The following HECW1 variants were observed in gnomAD, a reference collection of about 807,000 sequenced individuals.
HECW1 encodes the protein E3 ubiquitin-protein ligase HECW1.
HECW1 carries 61 observed loss-of-function variants against 182.3 expected under a neutral mutation model. The ratio of observed to expected loss-of-function variants is 0.33; its 90% CI spans 0.27 to 0.41. The LOEUF (loss-of-function observed/expected upper bound fraction) is 0.41. Among genes scored for constraint, HECW1 ranks in the 10% least tolerant of loss-of-function variants. The pLI is 1.00. For synonymous variants in HECW1, 859 were observed against 832.6 expected, an observed-to-expected ratio of 1.03 and a Z score of -0.55; for missense variants, 1,739 against 2,108.9, an observed-to-expected ratio of 0.82 and a Z score of 3.44.
chr7:43,294,283 C>T (rs1315561259), intron 3 of HECW1, among the ~76,000 whole-genome samples: 3 of 152,192 alleles, frequency 2.0e-5, no homozygotes, highest in African/African-American at 4.8e-5. Flanking sequence ...TTAAGAGCAA[C>T]GTGTACATCC....
chr7:43,184,862 A>G (rs1793232791), intron 2 of HECW1, among the ~76,000 whole-genome samples: 1 of 152,114 alleles, frequency 6.6e-6, no homozygotes, highest in African/African-American at 2.4e-5. Flanking sequence ...GTGAAGGGGA[A>G]GCAGGCAGGT....
chr7:43,114,123 T>A, intron 1 of HECW1, 34 bp from the exon 2 acceptor site: 1 of 662,782 alleles, frequency 1.5e-6, no homozygotes, highest in Non-Finnish European at 2.3e-6. Flanking sequence ...GTGGTGCAAT[T>A]CTCCCCTTGT....
intron 2 of HECW1, among the ~76,000 whole-genome samples, chr7:43,236,054 A>G (rs1798303887): frequency 6.6e-6 from 1 of 152,144 alleles, no homozygotes; most frequent in Admixed American, 6.5e-5. Flanking sequence ...AAATTAATGA[A>G]GGAGGTACCT....
intron 6 of HECW1, among the ~76,000 whole-genome samples, chr7:43,391,407 A>G (rs973458876): frequency 6.6e-6 from 1 of 152,212 alleles, no homozygotes; most frequent in African/African-American, 2.4e-5. Flanking sequence ...GTCCGGGAAC[A>G]AAGTCATTGA....
chr7:43,185,166 G>A (rs1793270826), intron 2 of HECW1, among the ~76,000 whole-genome samples: 1 of 152,118 alleles, frequency 6.6e-6, no homozygotes, highest in Admixed American at 6.5e-5. Context: ...GGGGGAAGGG[G>A]CTGGCTTCCT....
At chr7:43,174,694 C>CA (rs1250368128) in intron 2 of HECW1, among the ~76,000 whole-genome samples, 2 of 152,098 alleles carry the variant, frequency 1.3e-5, no homozygotes, top group African/African-American at 2.4e-5. Flanking sequence ...CTCACAATAA[C>CA]AAAAACAGCT....
intron 2 of HECW1, among the ~76,000 whole-genome samples, chr7:43,186,834 T>C (rs1277490204): frequency 1.3e-5 from 2 of 152,200 alleles, no homozygotes; most frequent in Non-Finnish European, 2.9e-5. Flanking sequence ...CAATAGGTCA[T>C]ATAGGTTATA....
At chr7:43,326,974 A>G (rs1810873478) in intron 5 of HECW1, among the ~76,000 whole-genome samples, 1 of 152,236 alleles carries the variant, frequency 6.6e-6, no homozygotes, top group Non-Finnish European at 1.5e-5. Context: ...TTAAGGTGAC[A>G]TGTTGTTAGA....
intron 3 of HECW1, among the ~76,000 whole-genome samples, chr7:43,273,869 T>C (rs1775056620): frequency 6.6e-6 from 1 of 152,108 alleles, no homozygotes; most frequent in African/African-American, 2.4e-5. Flanking sequence ...TTTTTTTTTT[T>C]TTGAGATGGA....
chr7:43,279,361 T>A (rs1235457429), intron 3 of HECW1, among the ~76,000 whole-genome samples: 1 of 152,168 alleles, frequency 6.6e-6, no homozygotes, highest in Non-Finnish European at 1.5e-5. Context: ...AAATAAAATA[T>A]TTGTTCATAA....
chr7:43,153,554 T>G (rs2152647781), intron 2 of HECW1, among the ~76,000 whole-genome samples: 1 of 152,246 alleles, frequency 6.6e-6, no homozygotes, highest in Middle Eastern at 3.4e-3. Flanking sequence ...TCAGCATCTG[T>G]TTTCTTTGTA....
rs2152803519 is a variant in HECW1, at chr7:43,346,409, T to C, written c.461-14477T>C. 1.3e-5 allele frequency among the ~76,000 whole-genome samples: 2 copies of C among 152,320 alleles called. 1 individual carries two copies. The highest frequency in any genetic ancestry group is 4.1e-4 in the South Asian group (2 of 4,830). On this transcript the variant is annotated intron_variant, in intron 5 of 29. Coordinates refer to ENST00000395891, the MANE Select transcript of HECW1 (RefSeq NM_015052.5). Reference sequence around the variant, plus strand: ...GGCTATTAGTCCTTTGTCAGATGTATAGATTGTGAAGATTTTCTCCCAATA... The same window carrying C: ...GGCTATTAGTCCTTTGTCAGATGTACAGATTGTGAAGATTTTCTCCCAATA...
intron 3 of HECW1, chr7:43,274,375 C>CT (rs1802818383): frequency 1.5e-6 from 1 of 653,808 alleles, no homozygotes; most frequent in African/African-American, 1.8e-5. Flanking sequence ...GAAGGTCCCC[C>CT]TGCGGGTAAA....
chr7:43,469,933 T>G (rs2077950812), intron 16 of HECW1, among the ~76,000 whole-genome samples: 1 of 152,194 alleles, frequency 6.6e-6, no homozygotes, highest in African/African-American at 2.4e-5. Flanking sequence ...TGATGGGGCA[T>G]CAATGTCCCC....
intron 7 of HECW1, among the ~76,000 whole-genome samples, chr7:43,397,895 CA>C (rs2152838668): frequency 6.6e-6 from 1 of 152,222 alleles, no homozygotes; most frequent in South Asian, 2.1e-4. Flanking sequence ...ACAAACTGGG[CA>C]AAGGTTATGT....
chr7:43,178,483 A>G (rs1214694888), intron 2 of HECW1, among the ~76,000 whole-genome samples: 1 of 152,246 alleles, frequency 6.6e-6, no homozygotes, highest in Non-Finnish European at 1.5e-5. Flanking sequence ...TGGTAACATG[A>G]AAGAAAGTGC....
chr7:43,528,880 A>C (rs985170932), intron 24 of HECW1, among the ~76,000 whole-genome samples: 4 of 152,230 alleles, frequency 2.6e-5, no homozygotes, highest in African/African-American at 9.6e-5. Flanking sequence ...TTGTAAAATC[A>C]TTTCCACATA....
At chr7:43,492,041 A>G (rs2078951154) in intron 17 of HECW1, 34 bp from the exon 18 acceptor site, 1 of 1,496,940 alleles carries the variant, frequency 6.7e-7, no homozygotes, top group Non-Finnish European at 9.2e-7. Flanking sequence ...ATTGATACAA[A>G]TTTCTAATGC....
chr7:43,466,828 A>G (rs982165126), intron 15 of HECW1, among the ~76,000 whole-genome samples: 8 of 152,150 alleles, frequency 5.3e-5, no homozygotes, highest in Non-Finnish European at 7.3e-5. Flanking sequence ...TTGGAAACAA[A>G]CCTGTTTTTA....
Sources: allele counts gnomAD v4.1 joint callset (sites outside exome capture counted in the v4.1 genomes callset), GRCh38; gene constraint gnomAD v4.1.1; transcripts MANE v1.5; gene names NCBI Gene and HGNC (gene_info 2026-07-23, HGNC 2026-07-21).